Variants in SLC19A1 observed in about 807,000 individuals in gnomAD.
SLC19A1 encodes solute carrier family 19 member 1.
In SLC19A1, 37 loss-of-function variants were observed where a neutral mutation model predicts 35.3. The ratio of observed to expected loss-of-function variants is 1.05; its 90% confidence interval spans 0.81 to 1.38. SLC19A1 has a LOEUF of 1.38. Among genes scored for constraint, SLC19A1 ranks in the 40% most tolerant of loss-of-function variants. SLC19A1 has a pLI of 0.00. For missense variants in SLC19A1, 831 were observed against 826.9 expected (o/e 1.00, Z -0.06); for synonymous variants, 460 against 398.5 (o/e 1.15, Z -1.84).
intron 5 of SLC19A1, among the ~76,000 whole-genome samples, chr21:45,521,675 C>A (rs2077442435): frequency 6.6e-6 from 1 of 152,144 alleles, no homozygotes; most frequent in Non-Finnish European, 1.5e-5. Flanking sequence ...ACACATAGTT[C>A]AATGGAACAG....
Position 45,531,505 on chromosome 21 carries a change from G to T in SLC19A1, c.833C>A (p.Ser278Ter). 6.2e-7 allele frequency: 1 copy of T among 1,612,648 alleles called. No homozygotes were observed. Among genetic ancestry groups the T allele is most frequent in the Non-Finnish European group, 8.5e-7 (1 of 1,179,730 alleles). ...GTAGACCACCAGGTAGTAGCCGGCC[G>T]AGTTGAAGACCCACCAGAGGGACCA... is the stretch of plus-strand genomic sequence containing the variant. ...RLWSLWWVFN[S>*]AGYYLVVYYV... Residue 278 changes from serine to a stop codon, truncating the protein, a stop_gained, in exon 3 of 6, where the codon TCG becomes TAG. Coordinates refer to ENST00000311124, the MANE Select transcript of SLC19A1 (RefSeq NM_194255.4). LOFTEE classifies it high-confidence loss of function.
Position 45,515,036 on chromosome 21 carries a change from A to G in SLC19A1, c.*622T>C. The G allele has an allele frequency of 6.5e-7, 1 of 1,542,472 alleles. No homozygotes were observed. The highest frequency in any genetic ancestry group is 8.7e-7 in the Non-Finnish European group (1 of 1,144,582). On this transcript the variant is annotated 3_prime_UTR_variant, in exon 6 of 6. Coordinates refer to ENST00000311124, the MANE Select transcript of SLC19A1 (RefSeq NM_194255.4). The stretch of plus-strand genomic sequence containing the variant: ...CATGGAGGGCTGCCCTTAGGGTGGG[A>G]GAGAGGAACCAGCTCCGAGGACCAG...
chr21:45,534,928 AG>A lies in SLC19A1; in HGVS notation c.190-2781del, dbSNP rs1215445745. Among the ~76,000 whole-genome samples the A allele has an allele frequency of 3.9e-5, 6 of 152,280 alleles. No individual in the cohort carries two copies. In the South Asian group the frequency reaches 8.3e-4, roughly 21 times the overall value. On this transcript the variant is annotated intron_variant, in intron 2 of 5. Coordinates refer to ENST00000311124, the MANE Select transcript of SLC19A1 (RefSeq NM_194255.4). This position sits in a 1 kb window ranked among gnomAD's most constrained non-coding sequence, Gnocchi z 4.2. ...TCTCCACAGGTCTTGGTTGGGGTCCAGGCTGAATGGGCAGAGTGCAGGCAGC... is the reference window on the plus strand; with the variant it reads ...TCTCCACAGGTCTTGGTTGGGGTCCAGCTGAATGGGCAGAGTGCAGGCAGC...
intron 4 of SLC19A1, among the ~76,000 whole-genome samples, chr21:45,527,266 C>A (rs1006592667): frequency 6.9e-6 from 1 of 144,392 alleles, no homozygotes; most frequent in African/African-American, 2.6e-5. Context: ...GCGGGGCAGG[C>A]CCTGGAGGTG....
rs1256638549 is a variant in SLC19A1 at position 45,531,802 on chromosome 21, C to T, written c.536G>A (p.Arg179Gln). 6.3e-6 allele frequency: 10 copies of T among 1,595,656 alleles called. No homozygotes were observed. The highest frequency in any genetic ancestry group is 8.5e-6 in the Non-Finnish European group (10 of 1,171,586). Residue 179 changes from arginine to glutamine, a missense_variant, in exon 3 of 6, where the codon CGA becomes CAA. Arg to Gln is a conservative substitution (Grantham distance 43). Coordinates refer to ENST00000311124, the MANE Select transcript of SLC19A1 (RefSeq NM_194255.4). Reference sequence around the variant, plus strand: ...GTAGTTGAGCGTGGAGAAGGAGACTCGGCCCACAGTGACCAGCAGCTGGCC... The same window carrying T: ...GTAGTTGAGCGTGGAGAAGGAGACTTGGCCCACAGTGACCAGCAGCTGGCC... ...VLGQLLVTVG[R>Q]VSFSTLNYIS...
intron 3 of SLC19A1, among the ~76,000 whole-genome samples, chr21:45,503,742 T>C (rs1000260835): frequency 6.6e-6 from 1 of 152,038 alleles, no homozygotes; most frequent in Admixed American, 6.5e-5. Flanking sequence ...CATATGTAAC[T>C]AACCTGCACA....
At position 45,530,403 on chromosome 21, in the gene SLC19A1, TGTGA is replaced by T. The variant is rs1490563216; in HGVS notation, c.1151+363_1151+366del. 2.0e-5 allele frequency among the ~76,000 whole-genome samples: 3 copies of T among 151,904 alleles called. No homozygotes were observed. Among genetic ancestry groups the T allele is most frequent in the African/African-American group, 7.3e-5 (3 of 41,296 alleles). ...GTGTGAGCGTGTGGTGTGTGTGTGG[TGTGA>T]GTGCCTGGTGTGAGTGTAAGCTGAG... On this transcript the variant is annotated intron_variant, in intron 4 of 5. Transcript: ENST00000311124. This position sits in a 1 kb window ranked among gnomAD's most constrained non-coding sequence, Gnocchi z 5.3.
intron 5 of SLC19A1, among the ~76,000 whole-genome samples, chr21:45,523,992 C>T (rs2077517036): frequency 6.6e-6 from 1 of 152,190 alleles, no homozygotes; most frequent in Non-Finnish European, 1.5e-5. Context: ...GCCCGGCCAC[C>T]AGGAGGCTGT....
At chr21:45,505,105 C>T (rs750504665) in intron 3 of SLC19A1, 16 of 1,603,088 alleles carry the variant, frequency 1.0e-5, no homozygotes, top group Middle Eastern at 1.7e-4. Flanking sequence ...ACGAGGTAAC[C>T]AGGAAGCGTC....
At position 45,537,920 on chromosome 21, in the gene SLC19A1, C is replaced by T. The variant is rs527506690; in HGVS notation, c.40G>A (p.Val14Met). The change falls in exon 2 of 6, where the codon GTG becomes ATG. Residue 14 changes from valine (V) to methionine (M), a missense_variant. By Grantham distance (21) the Val-to-Met change is conservative (BLOSUM62 1). Coordinates refer to ENST00000311124, the MANE Select transcript of SLC19A1 (RefSeq NM_194255.4). ...SSPAVEKQVP[V>M]EPGPDPELRS... is the part of the protein sequence containing the mutation. Reference sequence around the variant, plus strand: ...AGCTCGGGGTCAGGCCCAGGTTCCACGGGCACCTGCTTCTCCACCGCTGGG... The same window carrying T: ...AGCTCGGGGTCAGGCCCAGGTTCCATGGGCACCTGCTTCTCCACCGCTGGG... 28 of 1,589,706 alleles carry T rather than the reference C, an allele frequency of 1.8e-5. No individual in the cohort carries two copies. Among genetic ancestry groups the T allele is most frequent in the African/African-American group, 4.0e-5 (3 of 74,830 alleles).
chr21:45,507,057 C>G (rs1046695594), intron 3 of SLC19A1: 13 of 326,536 alleles, frequency 4.0e-5, no homozygotes, highest in Non-Finnish European at 7.9e-5. Flanking sequence ...CTAGCAAACG[C>G]GTGCTGGGAG....
In SLC19A1 at chr21:45,534,647, C is replaced by G. The variant is rs1402810526; in HGVS notation, c.190-2499G>C. ...CTTAGTTGAGGGTCTGAGCGCAGAG[C>G]TCCCCCTTGGCAGCCACCCAGAGCC... is the stretch of plus-strand genomic sequence containing the variant. On this transcript the variant is annotated intron_variant, in intron 2 of 5. Coordinates refer to ENST00000311124, the MANE Select transcript of SLC19A1 (RefSeq NM_194255.4). This position sits in a 1 kb window ranked among gnomAD's most constrained non-coding sequence, Gnocchi z 4.2. 2 of 1,526,246 alleles carry G rather than the reference C, an allele frequency of 1.3e-6. No individual in the cohort carries two copies. Among genetic ancestry groups the G allele is most frequent in the Non-Finnish European group, 1.8e-6 (2 of 1,138,816 alleles). 94.5% of individuals were successfully genotyped at this position (1,526,246 alleles called of 1,614,324 possible).
At chr21:45,537,739 G>T in intron 2 of SLC19A1, 32 bp downstream of exon 2, 1 of 121,380 alleles carries the variant, frequency 8.2e-6, no homozygotes, top group Non-Finnish European at 1.5e-5. Flanking sequence ...CCCACCCACA[G>T]GCGGCCGCCC....
At chr21:45,516,407 C>A (rs933003882) in intron 5 of SLC19A1, among the ~76,000 whole-genome samples, 1 of 152,196 alleles carries the variant, frequency 6.6e-6, no homozygotes, top group African/African-American at 2.4e-5. Flanking sequence ...CCTGCTTCTG[C>A]GTGGCCTGCG....
intron 1 of SLC19A1, among the ~76,000 whole-genome samples, chr21:45,558,278 G>A (rs2078583008): frequency 6.6e-6 from 1 of 152,232 alleles, no homozygotes; most frequent in African/African-American, 2.4e-5. Context: ...GTGGGCCACG[G>A]CTGGCTGGAC....
chr21:45,557,978 C>A (rs1423018606), intron 1 of SLC19A1, among the ~76,000 whole-genome samples: 1 of 152,240 alleles, frequency 6.6e-6, no homozygotes, highest in Non-Finnish European at 1.5e-5. Context: ...GAGCTCCATT[C>A]TTCGGAGGGC....
Position 45,540,992 on chromosome 21 carries a change from C to T in SLC19A1, c.-50+1376G>A, listed in dbSNP as rs561723091. On this transcript the variant is annotated intron_variant, in intron 1 of 5. Transcript: ENST00000311124. This position sits in a 1 kb window ranked among gnomAD's most constrained non-coding sequence, Gnocchi z 5.5. ...CTCTGGAAGGCTAACCAAGAATGTT[C>T]GTTATGTTTTTTAGAACGCCTGCTA... Among the ~76,000 whole-genome samples the T allele has an allele frequency of 9.2e-5, 14 of 151,526 alleles. No individual in the cohort carries two copies. The highest frequency in any genetic ancestry group is 3.4e-4 in the African/African-American group (14 of 41,264).
chr21:45,515,436 C>G lies in SLC19A1; in HGVS notation c.*222G>C. On this transcript the variant is annotated 3_prime_UTR_variant, in exon 6 of 6. Transcript: ENST00000311124. ...ACCCACCTCTTCCAGCAACAAAGCC[C>G]GCGGGGCACAGTGCAGGGACAGCAT... is the stretch of plus-strand genomic sequence containing the variant. The G allele has an allele frequency of 6.9e-7, 1 of 1,454,878 alleles. No homozygotes were observed. The highest frequency in any genetic ancestry group is 1.4e-5 in the South Asian group (1 of 70,020). The allele number at this position is 1,454,878 out of a possible 1,614,324, so 90.1% of individuals were successfully genotyped here. A position where few individuals can be genotyped will look rare whatever the true frequency, so the allele number is the denominator to read the frequency against.
At chr21:45,561,523 G>A (rs1445666285) in intron 1 of SLC19A1, among the ~76,000 whole-genome samples, 2 of 152,320 alleles carry the variant, frequency 1.3e-5, no homozygotes, top group East Asian at 3.9e-4. Context: ...CACATTGGGA[G>A]GCTGAGGTGG....
Sources: allele counts gnomAD v4.1 joint callset (sites outside exome capture counted in the v4.1 genomes callset), GRCh38; gene constraint gnomAD v4.1.1; non-coding constraint Gnocchi (gnomAD v3.1); transcripts MANE v1.5; gene names NCBI Gene and HGNC (gene_info 2026-07-23, HGNC 2026-07-21).